ATP1A1: variants seen among roughly 807,000 people sequenced by gnomAD.
The protein encoded by ATP1A1 is ATPase Na+/K+ transporting subunit alpha 1.
In ATP1A1, 14 loss-of-function variants were observed where a neutral mutation model predicts 114.8. That is an observed-to-expected ratio of 0.12 (90% CI 0.08 to 0.19). The LOEUF is 0.19. Ranked by LOEUF, ATP1A1 falls within the 10% of genes least tolerant of loss-of-function variation. The pLI is 1.00. For synonymous variants in ATP1A1, 471 were observed against 466.3 expected, an observed-to-expected ratio of 1.01 and a Z score of -0.13; for missense variants, 524 against 1,290.7, an observed-to-expected ratio of 0.41 and a Z score of 9.10.
chr1:116,388,576 G>T lies in ATP1A1; in HGVS notation c.502-62G>T. 1 of 1,545,414 alleles carries T rather than the reference G, an allele frequency of 6.5e-7. No homozygotes were observed. The highest frequency in any genetic ancestry group is 8.8e-7 in the Non-Finnish European group (1 of 1,138,716). The stretch of plus-strand genomic sequence containing the variant: ...GGATTATGACTATTTTTATTTTCTT[G>T]TTTTGGACACTACCTTCTCTTTGTT... On this transcript the variant is annotated intron_variant, in intron 5 of 22. Coordinates refer to ENST00000295598, the MANE Select transcript of ATP1A1 (RefSeq NM_000701.8). This position sits in a 1 kb window ranked among gnomAD's most constrained non-coding sequence, Gnocchi z 5.6.
At position 116,398,979 on chromosome 1, in the gene ATP1A1, C is replaced by T. The variant is rs779579313; in HGVS notation, c.2343C>T (p.Thr781=). The T allele has an allele frequency of 1.9e-6, 3 of 1,614,140 alleles. No homozygotes were observed. Among genetic ancestry groups the T allele is most frequent in the Non-Finnish European group, 2.5e-6 (3 of 1,180,028 alleles). Residue 781 remains threonine, a synonymous_variant, in exon 17 of 23, where the codon ACC becomes ACT. Coordinates refer to ENST00000295598, the MANE Select transcript of ATP1A1 (RefSeq NM_000701.8). The surrounding 1 kb of genome is among the most constrained non-coding windows in gnomAD (Gnocchi z 6.1). Reference sequence around the variant, plus strand: ...AGAAATCCATTGCTTATACCTTAACCAGTAACATTCCCGAGATCACCCCGT... The same window carrying T: ...AGAAATCCATTGCTTATACCTTAACTAGTAACATTCCCGAGATCACCCCGT... ...NLKKSIAYTL[T]SNIPEITPFL...
chr1:116,396,983 G>T (rs1385055056), intron 14 of ATP1A1, among the ~76,000 whole-genome samples: 1 of 152,182 alleles, frequency 6.6e-6, no homozygotes, highest in East Asian at 1.9e-4. Flanking sequence ...TTGCAGAGCA[G>T]GGAAGGTAAG....
chr1:116,395,220 A>C lies in ATP1A1; in HGVS notation c.1771A>C (p.Met591Leu). 1 of 1,614,164 alleles carries C rather than the reference A, an allele frequency of 6.2e-7. No individual in the cohort carries two copies. The highest frequency in any genetic ancestry group is 1.1e-5 in the South Asian group (1 of 91,084). ...TCTGTGCTTTGTTGGGCTCATCTCC[A>C]TGATTGACCCTCCACGGGCGGCCGT... Reference protein sequence around the residue: ...DNLCFVGLISMIDPPRAAVPD... With the variant: ...DNLCFVGLISLIDPPRAAVPD... Residue 591 changes from methionine (M) to leucine (L), a missense_variant, in exon 13 of 23, where the codon ATG becomes CTG. Coordinates refer to ENST00000295598, the MANE Select transcript of ATP1A1 (RefSeq NM_000701.8). The surrounding 1 kb of genome is among the most constrained non-coding windows in gnomAD (Gnocchi z 6.4).
In ATP1A1 at chr1:116,397,718, C is replaced by T. The variant is rs1422647369; in HGVS notation, c.1974-170C>T. Among the ~76,000 whole-genome samples, 2 of 152,190 alleles carry T rather than the reference C, an allele frequency of 1.3e-5. No individual in the cohort carries two copies. The highest frequency in any genetic ancestry group is 1.5e-5 in the Non-Finnish European group (1 of 68,034). ...AAATGAGATAAAATATATGAAAATG[C>T]TCTGTAACCTGTAAAGTACTGAACA... On this transcript the variant is annotated intron_variant, in intron 14 of 22. Transcript: ENST00000295598. The surrounding 1 kb of genome is among the most constrained non-coding windows in gnomAD (Gnocchi z 4.2).
Position 116,388,097 on chromosome 1 carries a change from A to T in ATP1A1, c.388-34A>T, listed in dbSNP as rs1557784487. 1 of 1,400,484 alleles carries T rather than the reference A, an allele frequency of 7.1e-7. No individual in the cohort carries two copies. Among genetic ancestry groups the T allele is most frequent in the East Asian group, 2.3e-5 (1 of 43,566 alleles). The allele number at this position is 1,400,484 out of a possible 1,614,324, so 86.8% of individuals were successfully genotyped here. ...TTGAATGTCCCTAATTATTGTGTAG[A>T]GCCACGGGCCCTAACTTGTCTTTTC... On this transcript the variant is annotated intron_variant, in intron 4 of 22. Coordinates refer to ENST00000295598, the MANE Select transcript of ATP1A1 (RefSeq NM_000701.8). This position sits in a 1 kb window ranked among gnomAD's most constrained non-coding sequence, Gnocchi z 5.6.
At position 116,399,606 on chromosome 1, in the gene ATP1A1, C is replaced by G; in HGVS notation, c.2572+63C>G. The stretch of plus-strand genomic sequence containing the variant: ...AGGCATCTGAGGTGATGGTGTCCAC[C>G]TCAGGTTGAGGTTGATTTCAGAGAC... On this transcript the variant is annotated intron_variant, in intron 18 of 22. Coordinates refer to ENST00000295598, the MANE Select transcript of ATP1A1 (RefSeq NM_000701.8). This position sits in a 1 kb window ranked among gnomAD's most constrained non-coding sequence, Gnocchi z 5.0. 2.5e-6 allele frequency: 4 copies of G among 1,600,566 alleles called. No homozygotes were observed. The highest frequency in any genetic ancestry group is 2.7e-5 in the African/African-American group (2 of 74,662).
rs758647940 is a variant in ATP1A1 at position 116,390,208 on chromosome 1, T to C, written c.1024-5T>C. 2 of 1,613,770 alleles carry C rather than the reference T, an allele frequency of 1.2e-6. No individual in the cohort carries two copies. The highest frequency in any genetic ancestry group is 1.7e-6 in the Non-Finnish European group (2 of 1,179,742). On this transcript the variant is annotated splice_polypyrimidine_tract_variant and splice_region_variant and intron_variant, in intron 8 of 22. Coordinates refer to ENST00000295598, the MANE Select transcript of ATP1A1 (RefSeq NM_000701.8). ...TGAAGTAATAATCTTCCTAATATTT[T>C]TTAGGTCTGTCTGACACTTACTGCC...
chr1:116,401,515 T>A lies in ATP1A1; in HGVS notation c.2850-39T>A. 1 of 1,594,296 alleles carries A rather than the reference T, an allele frequency of 6.3e-7. No homozygotes were observed. Among genetic ancestry groups the A allele is most frequent in the Non-Finnish European group, 8.6e-7 (1 of 1,162,272 alleles). On this transcript the variant is annotated intron_variant, in intron 20 of 22. Coordinates refer to ENST00000295598, the MANE Select transcript of ATP1A1 (RefSeq NM_000701.8). This position sits in a 1 kb window ranked among gnomAD's most constrained non-coding sequence, Gnocchi z 4.7. ...TAGCATTAGAAGATAAACCTTTATT[T>A]GCACCTTTTAAGTTTTTTCTCCCCT...
In ATP1A1 at chr1:116,401,003, G is replaced by A. The variant is rs1557794288; in HGVS notation, c.2715G>A (p.Gln905=). The change falls in exon 19 of 23, where the codon CAG becomes CAA. Residue 905 remains glutamine, a synonymous_variant. Coordinates refer to ENST00000295598, the MANE Select transcript of ATP1A1 (RefSeq NM_000701.8). The surrounding 1 kb of genome is among the most constrained non-coding windows in gnomAD (Gnocchi z 4.7). ...INDVEDSYGQ[Q]WTYEQRKIVE... is the part of the protein sequence containing the mutation. Reference sequence around the variant, plus strand: ...ATGTGGAAGACAGCTACGGGCAGCAGTGGGTGAGTGGGCACCTCTGACCTG... The same window carrying A: ...ATGTGGAAGACAGCTACGGGCAGCAATGGGTGAGTGGGCACCTCTGACCTG... 1.2e-6 allele frequency: 2 copies of A among 1,614,236 alleles called. No homozygotes were observed. Among genetic ancestry groups the A allele is most frequent in the Non-Finnish European group, 1.7e-6 (2 of 1,180,038 alleles).
At position 116,387,532 on chromosome 1, in the gene ATP1A1, CAGATATCTTCTCCGTCTTTGT is replaced by C; in HGVS notation, c.387+42_387+62del. On this transcript the variant is annotated intron_variant, in intron 4 of 22. Coordinates refer to ENST00000295598, the MANE Select transcript of ATP1A1 (RefSeq NM_000701.8). The surrounding 1 kb of genome is among the most constrained non-coding windows in gnomAD (Gnocchi z 6.7). ...CAGCATATGGATTTGTAGTACACAT[CAGATATCTTCTCCGTCTTTGT>C]CTCCCACTTCTTCTCAATTACCACT... is the stretch of plus-strand genomic sequence containing the variant. The C allele has an allele frequency of 6.3e-7, 1 of 1,595,878 alleles. No individual in the cohort carries two copies. Among genetic ancestry groups the C allele is most frequent in the Non-Finnish European group, 8.6e-7 (1 of 1,164,782 alleles).
In ATP1A1 at chr1:116,395,091, G is replaced by C; in HGVS notation, c.1661-19G>C. On this transcript the variant is annotated intron_variant, in intron 12 of 22. Coordinates refer to ENST00000295598, the MANE Select transcript of ATP1A1 (RefSeq NM_000701.8). The surrounding 1 kb of genome is among the most constrained non-coding windows in gnomAD (Gnocchi z 6.4). The stretch of plus-strand genomic sequence containing the variant: ...CCCAGCGTCACTGAAATTTTCAAAG[G>C]CTCCTGTCCTCCTCGCAGGTTTCTG... 3.1e-6 allele frequency: 5 copies of C among 1,608,898 alleles called. No individual in the cohort carries two copies. The highest frequency in any genetic ancestry group is 4.2e-6 in the Non-Finnish European group (5 of 1,176,954).
chr1:116,398,590 G>T lies in ATP1A1; in HGVS notation c.2125-31G>T. 6.2e-7 allele frequency: 1 copy of T among 1,607,472 alleles called. No homozygotes were observed. The highest frequency in any genetic ancestry group is 8.5e-7 in the Non-Finnish European group (1 of 1,176,054). On this transcript the variant is annotated intron_variant, in intron 15 of 22. Transcript: ENST00000295598. The surrounding 1 kb of genome is among the most constrained non-coding windows in gnomAD (Gnocchi z 6.1). ...TTTCCATCGCTAGGAAAAGTGATTGGTATTAACCCGTTTTCCCTTTTCTGG... is the reference window on the plus strand; with the variant it reads ...TTTCCATCGCTAGGAAAAGTGATTGTTATTAACCCGTTTTCCCTTTTCTGG...
chr1:116,383,844 T>C (rs965455183), intron 1 of ATP1A1, among the ~76,000 whole-genome samples, 170 bp from the exon 2 acceptor site: 2 of 152,230 alleles, frequency 1.3e-5, no homozygotes, highest in Non-Finnish European at 2.9e-5. Flanking sequence ...AGTAGATTGC[T>C]TTGCTTATGT....
chr1:116,403,039 T>A (rs1653642515), intron 21 of ATP1A1, among the ~76,000 whole-genome samples: 1 of 152,120 alleles, frequency 6.6e-6, no homozygotes, highest in African/African-American at 2.4e-5. Flanking sequence ...TGGTGGAAAA[T>A]TACACTGAAA....
rs1653256133 is a variant in ATP1A1, at chr1:116,399,649, T to C, written c.2572+106T>C. 6.7e-7 allele frequency: 1 copy of C among 1,501,418 alleles called. No homozygotes were observed. 93.0% of individuals were successfully genotyped at this position (1,501,418 alleles called of 1,614,324 possible). A position where few individuals can be genotyped will look rare whatever the true frequency, so the allele number is the denominator to read the frequency against. The stretch of plus-strand genomic sequence containing the variant: ...TCAGAGACTGCAAATCCAGGCGACT[T>C]TCAGGTCTAGGATGAGCCCTAACGG... On this transcript the variant is annotated intron_variant, in intron 18 of 22. Coordinates refer to ENST00000295598, the MANE Select transcript of ATP1A1 (RefSeq NM_000701.8). The surrounding 1 kb of genome is among the most constrained non-coding windows in gnomAD (Gnocchi z 5.0).
At position 116,390,840 on chromosome 1, in the gene ATP1A1, T is replaced by C. The variant is rs1570959531; in HGVS notation, c.1281T>C (p.Leu427=). 6.2e-7 allele frequency: 1 copy of C among 1,614,118 alleles called. No individual in the cohort carries two copies. The highest frequency in any genetic ancestry group is 8.5e-7 in the Non-Finnish European group (1 of 1,180,044). The change falls in exon 10 of 23, where the codon CTT becomes CTC. Residue 427 remains leucine (L), a synonymous_variant. Coordinates refer to ENST00000295598, the MANE Select transcript of ATP1A1 (RefSeq NM_000701.8). ...TWLALSRIAG[L]CNRAVFQANQ... Reference sequence around the variant, plus strand: ...TTGCTCTGTCCAGAATTGCAGGTCTTTGTAACAGGGCAGTGTTTCAGGCTA... The same window carrying C: ...TTGCTCTGTCCAGAATTGCAGGTCTCTGTAACAGGGCAGTGTTTCAGGCTA...
chr1:116,394,535 T>C (rs375172146), intron 12 of ATP1A1, among the ~76,000 whole-genome samples: 1 of 152,234 alleles, frequency 6.6e-6, no homozygotes, highest in East Asian at 1.9e-4. Context: ...TGTAACGTCA[T>C]ACAACATTGA....
In ATP1A1 at chr1:116,389,393, A is replaced by G; in HGVS notation, c.755-46A>G. On this transcript the variant is annotated intron_variant, in intron 7 of 22. Coordinates refer to ENST00000295598, the MANE Select transcript of ATP1A1 (RefSeq NM_000701.8). This position sits in a 1 kb window ranked among gnomAD's most constrained non-coding sequence, Gnocchi z 6.9. ...TTGTGTAAAATCCGTGGCTTCCTTC[A>G]GGTTAGATACAATTAGGTACAGTTC... The G allele has an allele frequency of 6.2e-7, 1 of 1,602,070 alleles. No individual in the cohort carries two copies. The highest frequency in any genetic ancestry group is 1.1e-5 in the South Asian group (1 of 90,524).
intron 1 of ATP1A1, 56 bp from the exon 2 acceptor site, chr1:116,383,958 C>T (rs1317461280): frequency 2.1e-5 from 30 of 1,436,960 alleles, no homozygotes; most frequent in Non-Finnish European, 2.7e-5. Flanking sequence ...CCAGAATTTT[C>T]AGTTTCAGAT....
Sources: gnomAD v4.1 joint callset for allele counts (sites outside exome capture counted in the v4.1 genomes callset) on GRCh38, gnomAD v4.1.1 for gene constraint, Gnocchi (gnomAD v3.1) non-coding constraint, MANE v1.5 for transcripts, NCBI Gene and HGNC (gene_info 2026-07-23, HGNC 2026-07-21) for gene names.